Variants in BICC1 observed in about 807,000 individuals in gnomAD.
BICC1 encodes the protein BicC family RNA binding protein 1.
BICC1 carries 43 observed loss-of-function variants against 111.0 expected under a neutral mutation model. The ratio of observed to expected loss-of-function variants is 0.39; its 90% CI spans 0.30 to 0.50. BICC1 has a LOEUF of 0.50. Among genes scored for constraint, BICC1 ranks in the 20% least tolerant of loss-of-function variants. The probability of loss-of-function intolerance (pLI) is 0.88; values close to 1 mark genes in which losing one functional copy is unlikely to be tolerated. For missense variants in BICC1, 1,091 were observed against 1,203.2 expected (o/e 0.91, Z 1.38); for synonymous variants, 467 against 434.4 (o/e 1.07, Z -0.93).
intron 1 of BICC1, among the ~76,000 whole-genome samples, chr10:58,542,156 A>C (rs1371062204): frequency 4.1e-5 from 6 of 145,140 alleles, no homozygotes; most frequent in African/African-American, 1.7e-4. Flanking sequence ...GTCTCAAAAA[A>C]AAAAAAAAAA....
chr10:58,788,068 G>A (rs970499470), intron 5 of BICC1, among the ~76,000 whole-genome samples: 4 of 152,136 alleles, frequency 2.6e-5, no homozygotes, highest in Non-Finnish European at 5.9e-5. Context: ...AGAAAATGCA[G>A]TGAACAAGAG....
chr10:58,799,912 T>G (rs1215319133), intron 12 of BICC1, among the ~76,000 whole-genome samples: 2 of 152,324 alleles, frequency 1.3e-5, no homozygotes, highest in Admixed American at 6.5e-5. Flanking sequence ...GTGATAGGAA[T>G]AGCATTGAAT....
In BICC1 at chr10:58,807,007, T is replaced by C. The variant is rs1375812023; in HGVS notation, c.2225T>C (p.Met742Thr). The change falls in exon 17 of 21, where the codon ATG (methionine) becomes ACG (threonine). Residue 742 changes from methionine (M) to threonine (T), a missense_variant. By Grantham distance (81) the Met-to-Thr change is moderately conservative (BLOSUM62 -1). This residue lies in a region of BICC1 where 17 missense variants were observed against 46.2 expected (regional missense o/e 0.37). Coordinates refer to ENST00000373886, the MANE Select transcript of BICC1 (RefSeq NM_001080512.3). ...EQKKLLATKA[M>T]LKKPVVTEVR... The stretch of plus-strand genomic sequence containing the variant: ...TGGTTTTATTTTGTTTCCAAAGCTA[T>C]GTTAAAGAAACCAGTGGTGACGGAG... 7.4e-6 allele frequency: 12 copies of C among 1,611,790 alleles called. No individual in the cohort carries two copies. The highest frequency in any genetic ancestry group is 8.5e-6 in the Non-Finnish European group (10 of 1,179,160).
chr10:58,565,327 C>T (rs1408651236), intron 1 of BICC1, among the ~76,000 whole-genome samples: 1 of 152,174 alleles, frequency 6.6e-6, no homozygotes, highest in Admixed American at 6.5e-5. Flanking sequence ...TCTCTAAAGA[C>T]TTGCAGTCAA....
In BICC1 at chr10:58,673,492, T is replaced by C. The variant is rs1215990666; in HGVS notation, c.238-28582T>C. 3.3e-5 allele frequency among the ~76,000 whole-genome samples: 5 copies of C among 152,366 alleles called. No homozygotes were observed. The East Asian group carries it at 9.6e-4, about 29-fold the overall frequency. On this transcript the variant is annotated intron_variant, in intron 2 of 20. Coordinates refer to ENST00000373886, the MANE Select transcript of BICC1 (RefSeq NM_001080512.3). ...AGCCTGTAAGACAGGTGCTGGACTATAAAGCTGTCTGTTCCTTCTTCCTAA... is the reference window on the plus strand; with the variant it reads ...AGCCTGTAAGACAGGTGCTGGACTACAAAGCTGTCTGTTCCTTCTTCCTAA...
rs1015973299 is a variant in BICC1, at chr10:58,750,765, C to T, written c.308-34236C>T. On this transcript the variant is annotated intron_variant, in intron 3 of 20. Transcript: ENST00000373886. ...AATTACCATTATAATCCAGCTATTACCATTTTCAAGTGAAAAGCTTGTTAA... is the reference window on the plus strand; with the variant it reads ...AATTACCATTATAATCCAGCTATTATCATTTTCAAGTGAAAAGCTTGTTAA... Among the ~76,000 whole-genome samples the T allele has an allele frequency of 4.1e-4, 63 of 152,242 alleles. 1 individual carries two copies. Among genetic ancestry groups the T allele is most frequent in the African/African-American group, 1.5e-3 (62 of 41,554 alleles).
chr10:58,748,113 A>G (rs1841886127), intron 3 of BICC1, among the ~76,000 whole-genome samples: 1 of 152,140 alleles, frequency 6.6e-6, no homozygotes, highest in Non-Finnish European at 1.5e-5. Context: ...TTTATAACGT[A>G]GCTGGATAAA....
At chr10:58,610,746 T>C (rs1170010475) in intron 1 of BICC1, among the ~76,000 whole-genome samples, 1 of 152,196 alleles carries the variant, frequency 6.6e-6, no homozygotes, top group African/African-American at 2.4e-5. Flanking sequence ...ATTGGAAATG[T>C]ATGCATATAC....
At chr10:58,583,049 AC>A (rs1844324755) in intron 1 of BICC1, among the ~76,000 whole-genome samples, 1 of 151,964 alleles carries the variant, frequency 6.6e-6, no homozygotes, top group Non-Finnish European at 1.5e-5. Flanking sequence ...GAATTCCATC[AC>A]CCCACCCTAA....
At chr10:58,701,952 G>T in intron 2 of BICC1, 122 bp from the exon 3 acceptor site, 14 of 608,068 alleles carry the variant, frequency 2.3e-5, no homozygotes, top group Non-Finnish European at 2.8e-5. Flanking sequence ...GTTTTCAAAT[G>T]AGATCATTTT....
intron 3 of BICC1, among the ~76,000 whole-genome samples, chr10:58,718,693 C>T (rs1387062161): frequency 6.6e-6 from 1 of 151,180 alleles, no homozygotes; most frequent in Non-Finnish European, 1.5e-5. Context: ...CATTGGATTT[C>T]CAAAATAAAT....
intron 2 of BICC1, among the ~76,000 whole-genome samples, chr10:58,670,465 A>G (rs891506934): frequency 2.0e-5 from 3 of 152,132 alleles, no homozygotes; most frequent in Non-Finnish European, 4.4e-5. Flanking sequence ...CCCATCTGCC[A>G]TGGCAACAAA....
chr10:58,738,442 TC>T (rs1841546705), intron 3 of BICC1, among the ~76,000 whole-genome samples: 1 of 152,154 alleles, frequency 6.6e-6, no homozygotes, highest in Admixed American at 6.6e-5. Flanking sequence ...GTTCCATTGG[TC>T]TATATCTCTG....
In BICC1 at chr10:58,803,164, T is replaced by C; in HGVS notation, c.2103T>C (p.Ala701=). 1 of 1,611,996 alleles carries C rather than the reference T, an allele frequency of 6.2e-7. No homozygotes were observed. The highest frequency in any genetic ancestry group is 8.5e-7 in the Non-Finnish European group (1 of 1,178,988). The change falls in exon 15 of 21, where the codon GCT becomes GCC. Residue 701 remains alanine (A), a synonymous_variant. Transcript: ENST00000373886. Reference sequence around the variant, plus strand: ...AGAAGGCTCCAGGGAGTGAGCGCGCTGCAGAGAGGGCAGCAGCTGCCCAGC... The same window carrying C: ...AGAAGGCTCCAGGGAGTGAGCGCGCCGCAGAGAGGGCAGCAGCTGCCCAGC... ...ADKKAPGSER[A]AERAAAAQQN... is the part of the protein sequence containing the mutation.
chr10:58,636,602 TCTC>T (rs2132194241), intron 2 of BICC1, among the ~76,000 whole-genome samples: 1 of 149,538 alleles, frequency 6.7e-6, no homozygotes, highest in Non-Finnish European at 1.5e-5. Context: ...TCCTCCTCCT[TCTC>T]CCTTTTTTCC....
intron 2 of BICC1, among the ~76,000 whole-genome samples, chr10:58,665,089 A>G (rs373715001): frequency 3.9e-5 from 6 of 152,192 alleles, no homozygotes; most frequent in Admixed American, 6.5e-5. Context: ...GTAGTAGACT[A>G]CTGCTTGTTA....
In BICC1 at chr10:58,522,134, G is replaced by A. The variant is rs74958765; in HGVS notation, c.190+8801G>A. On this transcript the variant is annotated intron_variant, in intron 1 of 20. Transcript: ENST00000373886. ...GGCTTGTTGTAAGGGACTTGGGGGA[G>A]GAGCACAAATCTATATATTCTTGCG... Among the ~76,000 whole-genome samples the A allele has an allele frequency of 2.4e-3, 358 of 151,908 alleles. 5 individuals are homozygous for A. The highest frequency in any genetic ancestry group is 8.4e-3 in the African/African-American group (347 of 41,476).
At chr10:58,752,750 A>G (rs1564593325) in intron 3 of BICC1, among the ~76,000 whole-genome samples, 1 of 152,180 alleles carries the variant, frequency 6.6e-6, no homozygotes, top group Non-Finnish European at 1.5e-5. Flanking sequence ...CTTTGGGTAT[A>G]CAGCATTTAC....
At chr10:58,595,102 A>G (rs529549768) in intron 1 of BICC1, among the ~76,000 whole-genome samples, 13 of 152,290 alleles carry the variant, frequency 8.5e-5, no homozygotes, top group Middle Eastern at 3.4e-3. Context: ...TAAACCAACA[A>G]AGATCAAAAC....
Sources: allele counts gnomAD v4.1 joint callset (sites outside exome capture counted in the v4.1 genomes callset), GRCh38; gene constraint gnomAD v4.1.1; regional missense constraint gnomAD v4.1.1; transcripts MANE v1.5; gene names NCBI Gene and HGNC (gene_info 2026-07-23, HGNC 2026-07-21).